Variants in TXNL1 observed in about 807,000 individuals in gnomAD.
The protein encoded by TXNL1 is thioredoxin like 1.
TXNL1 carries 14 observed loss-of-function variants against 35.5 expected under a neutral mutation model. That is an observed-to-expected ratio of 0.39 (90% CI 0.26 to 0.62). The LOEUF (loss-of-function observed/expected upper bound fraction) is 0.62. Ranked by LOEUF, TXNL1 falls within the 20% of genes least tolerant of loss-of-function variation. The probability of loss-of-function intolerance (pLI) is 0.47; values close to 1 mark genes in which losing one functional copy is unlikely to be tolerated. For synonymous variants in TXNL1, 110 were observed against 115.5 expected (o/e 0.95, Z 0.31); for missense variants, 263 against 349.7 (o/e 0.75, Z 1.98).
chr18:56,624,844 A>T (rs2024249976), intron 2 of TXNL1, among the ~76,000 whole-genome samples: 1 of 152,202 alleles, frequency 6.6e-6, no homozygotes, highest in South Asian at 2.1e-4. Context: ...CACTGCTACT[A>T]GAAAAAAGTG....
chr18:56,631,934 A>T, intron 1 of TXNL1, among the ~76,000 whole-genome samples: 1 of 151,888 alleles, frequency 6.6e-6, no homozygotes. Flanking sequence ...AAAAAAAAAA[A>T]AAAGGAACCC....
chr18:56,617,819 C>G (rs1435317338), intron 4 of TXNL1, among the ~76,000 whole-genome samples, 185 bp downstream of exon 4: 1 of 151,796 alleles, frequency 6.6e-6, no homozygotes, highest in Non-Finnish European at 1.5e-5. Context: ...AGCCCACATA[C>G]AAGAACAAAG....
At chr18:56,623,319 TG>T (rs1408327495) in intron 3 of TXNL1, among the ~76,000 whole-genome samples, 16 of 150,008 alleles carry the variant, frequency 1.1e-4, no homozygotes, top group Admixed American at 6.0e-4. Context: ...TCCCAGCTAC[TG>T]GGGAGGCTGA....
intron 3 of TXNL1, among the ~76,000 whole-genome samples, chr18:56,622,036 TAAATA>T (rs1385863978): frequency 6.6e-6 from 1 of 150,502 alleles, no homozygotes; most frequent in Non-Finnish European, 1.5e-5. Flanking sequence ...AAAAATTAAT[TAAATA>T]AAACAGCCTA....
chr18:56,609,622 A>G (rs914731539), intron 7 of TXNL1: 31 of 152,222 alleles, frequency 2.0e-4, no homozygotes, highest in African/African-American at 7.5e-4. Flanking sequence ...TCTTATAAAA[A>G]ACTAAGTTAA....
intron 1 of TXNL1, among the ~76,000 whole-genome samples, chr18:56,637,796 G>C (rs761635116): frequency 1.3e-5 from 2 of 152,152 alleles, no homozygotes; most frequent in Non-Finnish European, 2.9e-5. Context: ...AATTTAAAAA[G>C]CACCCTAACC....
At position 56,638,441 on chromosome 18, in the gene TXNL1, C is replaced by T. The variant is rs2024493980; in HGVS notation, c.-1G>A. 3.7e-6 allele frequency: 6 copies of T among 1,611,416 alleles called. No homozygotes were observed. The African/African-American group carries it at 6.7e-5, about 18-fold the overall frequency. ...TCCCGACGGGCTTCACCCCCACCAT[C>T]CTCACAGAGAGCCCGGCAGGGTGGC... is the stretch of plus-strand genomic sequence containing the variant. On this transcript the variant is annotated 5_prime_UTR_variant, in exon 1 of 8. Coordinates refer to ENST00000217515, the MANE Select transcript of TXNL1 (RefSeq NM_004786.3).
At chr18:56,615,566 A>G (rs190500546) in intron 5 of TXNL1, among the ~76,000 whole-genome samples, 2 of 152,166 alleles carry the variant, frequency 1.3e-5, no homozygotes, top group Admixed American at 6.5e-5. Flanking sequence ...AAAAAATGAT[A>G]CTATTAATAG....
Position 56,618,082 on chromosome 18 carries a change from A to G in TXNL1, c.414T>C (p.Leu138=), listed in dbSNP as rs372042614. Residue 138 remains leucine, a synonymous_variant, in exon 4 of 8, where the codon CTT becomes CTC. Coordinates refer to ENST00000217515, the MANE Select transcript of TXNL1 (RefSeq NM_004786.3). ...PFINKAGCEC[L]NESDEHGFDN... The stretch of plus-strand genomic sequence containing the variant: ...CAAATCCATGCTCATCACTTTCATT[A>G]AGACATTCACAACCAGCTTTGTTAA... 4.8e-4 allele frequency: 777 copies of G among 1,613,858 alleles called. No homozygotes were observed. Among genetic ancestry groups the G allele is most frequent in the Non-Finnish European group, 6.4e-4 (756 of 1,179,924 alleles).
chr18:56,619,263 CG>C lies in TXNL1; in HGVS notation c.370-1138del, dbSNP rs370821595. 4.9e-3 allele frequency among the ~76,000 whole-genome samples: 737 copies of C among 149,360 alleles called. 6 individuals carry two copies. Among genetic ancestry groups the C allele is most frequent in the Middle Eastern group, 0.018 (5 of 282 alleles). ...TAAACATTATATTTGGAGGCCGGGT[CG>C]GGGTGGCTCACCCCTGCAATCCCAG... On this transcript the variant is annotated intron_variant, in intron 3 of 7. Transcript: ENST00000217515.
At chr18:56,633,157 TAA>T (rs1304826791) in intron 1 of TXNL1, among the ~76,000 whole-genome samples, 1 of 149,962 alleles carries the variant, frequency 6.7e-6, no homozygotes, top group Non-Finnish European at 1.5e-5. Flanking sequence ...ACAAAAATTT[TAA>T]AACTTAGGCA....
chr18:56,612,957 G>A (rs995083795), intron 6 of TXNL1, among the ~76,000 whole-genome samples: 11 of 151,662 alleles, frequency 7.3e-5, no homozygotes, highest in African/African-American at 2.7e-4. Flanking sequence ...GGCTCAAGTG[G>A]TCCCTCCAGA....
Position 56,634,021 on chromosome 18 carries a change from G to A in TXNL1, c.98+4322C>T, listed in dbSNP as rs2024418532. 2.1e-5 allele frequency among the ~76,000 whole-genome samples: 3 copies of A among 145,748 alleles called. No homozygotes were observed. In the South Asian group the frequency reaches 6.6e-4, roughly 32 times the overall value. ...AAAAAAAAAAAAAATCATTCACACT[G>A]TTTAATGGTGGGGAGGGGGGAGACC... On this transcript the variant is annotated intron_variant, in intron 1 of 7. Coordinates refer to ENST00000217515, the MANE Select transcript of TXNL1 (RefSeq NM_004786.3).
At chr18:56,616,797 T>G (rs536006) in intron 4 of TXNL1, among the ~76,000 whole-genome samples, 1 of 152,168 alleles carries the variant, frequency 6.6e-6, no homozygotes. Context: ...AGGGTTCTTA[T>G]AGCTCTGAAG....
At chr18:56,626,544 C>CTGA in intron 1 of TXNL1, 87 bp from the exon 2 acceptor site, 1 of 1,132,948 alleles carries the variant, frequency 8.8e-7, no homozygotes, top group Non-Finnish European at 1.3e-6. Flanking sequence ...AGAACAAACA[C>CTGA]TGATACTGCT....
Position 56,597,516 on chromosome 18 carries a change from T to C in TXNL1, c.*5511A>G, listed in dbSNP as rs1031754681. 7 of 152,238 alleles carry C rather than the reference T, an allele frequency of 4.6e-5. No individual in the cohort carries two copies. Among genetic ancestry groups the C allele is most frequent in the African/African-American group, 1.7e-4 (7 of 41,464 alleles). The allele number at this position is 152,238 out of a possible 1,614,324, so 9.4% of individuals were successfully genotyped here. ...CAATATCACATTTGAAGATGGTGAC[T>C]GCTCCCTCTTGGATTCATTAACACT... On this transcript the variant is annotated 3_prime_UTR_variant, in exon 8 of 8. Transcript: ENST00000217515.
chr18:56,618,949 C>T (rs2024134791), intron 3 of TXNL1, among the ~76,000 whole-genome samples: 1 of 152,032 alleles, frequency 6.6e-6, no homozygotes, highest in African/African-American at 2.4e-5. Context: ...ATGGCTCATG[C>T]TTCTAATCCC....
chr18:56,612,653 C>T (rs961760379), intron 6 of TXNL1, among the ~76,000 whole-genome samples: 3 of 152,100 alleles, frequency 2.0e-5, no homozygotes, highest in African/African-American at 4.8e-5. Context: ...GGACTACCAG[C>T]GTACTCCCAT....
chr18:56,626,218 G>A (rs2024275753), intron 2 of TXNL1, 143 bp downstream of exon 2: 2 of 1,423,218 alleles, frequency 1.4e-6, no homozygotes, highest in Non-Finnish European at 1.8e-6. Flanking sequence ...AATGACATCT[G>A]TAATAATGAC....
Sources: gnomAD v4.1 joint callset for allele counts (sites outside exome capture counted in the v4.1 genomes callset) on GRCh38, gnomAD v4.1.1 for gene constraint, MANE v1.5 for transcripts, NCBI Gene and HGNC (gene_info 2026-07-23, HGNC 2026-07-21) for gene names.